CNOT4: variants seen among roughly 807,000 people sequenced by gnomAD.
CNOT4 encodes the protein CCR4-NOT transcription complex subunit 4, also known as CCR4-associated factor 4.
In CNOT4, 8 loss-of-function variants were observed where a neutral mutation model predicts 73.8. That is an observed-to-expected ratio of 0.11 (90% CI 0.06 to 0.20). The LOEUF is 0.20. Ranked by LOEUF, CNOT4 falls within the 10% of genes least tolerant of loss-of-function variation. CNOT4 has a pLI of 1.00. For missense variants in CNOT4, 564 were observed against 883.4 expected (o/e 0.64, Z 4.58); for synonymous variants, 293 against 321.1 (o/e 0.91, Z 0.94).
chr7:135,483,748 T>A (rs915724978), intron 1 of CNOT4, among the ~76,000 whole-genome samples: 1 of 152,010 alleles, frequency 6.6e-6, no homozygotes, highest in Non-Finnish European at 1.5e-5. Context: ...CACTTAAGGT[T>A]GAGGCTGCAG....
intron 7 of CNOT4, among the ~76,000 whole-genome samples, chr7:135,405,889 T>C (rs528354993): frequency 6.6e-6 from 1 of 152,204 alleles, no homozygotes; most frequent in Non-Finnish European, 1.5e-5. Flanking sequence ...GGTTCCAGGC[T>C]TTGCTTTCTT....
chr7:135,425,218 T>C (rs928022496), intron 2 of CNOT4, among the ~76,000 whole-genome samples: 1 of 152,222 alleles, frequency 6.6e-6, no homozygotes, highest in Non-Finnish European at 1.5e-5. Flanking sequence ...ATGATGTAAC[T>C]TTTCTGGGAC....
intron 10 of CNOT4, chr7:135,388,960 G>T: frequency 1.3e-6 from 2 of 1,491,452 alleles, no homozygotes; most frequent in Admixed American, 1.9e-5. Flanking sequence ...CTTTAAAAAT[G>T]ATTTCAATAT....
intron 2 of CNOT4, among the ~76,000 whole-genome samples, chr7:135,434,915 G>T (rs1431424833): frequency 6.6e-6 from 1 of 151,918 alleles, no homozygotes; most frequent in African/African-American, 2.4e-5. Context: ...CTGTTTGTAT[G>T]GTGGTTCATG....
At chr7:135,503,020 G>A (rs1432318737) in intron 1 of CNOT4, among the ~76,000 whole-genome samples, 1 of 151,188 alleles carries the variant, frequency 6.6e-6, no homozygotes, top group Non-Finnish European at 1.5e-5. Flanking sequence ...GGGCATGGTG[G>A]CACACGCCTG....
chr7:135,441,445 A>G (rs1799475782), intron 1 of CNOT4, among the ~76,000 whole-genome samples: 1 of 151,930 alleles, frequency 6.6e-6, no homozygotes, highest in South Asian at 2.1e-4. Context: ...TGCCACTATC[A>G]GTTTTCAGCA....
At position 135,364,109 on chromosome 7, in the gene CNOT4, A is replaced by T. The variant is rs771158003; in HGVS notation, c.1628-43T>A. On this transcript the variant is annotated intron_variant, in intron 10 of 11. Transcript: ENST00000541284. This position sits in a 1 kb window ranked among gnomAD's most constrained non-coding sequence, Gnocchi z 4.3. ...AAAAAAATGAAAGATAAAAAAAAAT[A>T]AAAAGCTACGTTAGAAACATATGTT... is the stretch of plus-strand genomic sequence containing the variant. 1.6e-4 allele frequency: 228 copies of T among 1,399,852 alleles called. 1 individual carries two copies. The highest frequency in any genetic ancestry group is 2.2e-4 in the Non-Finnish European group (220 of 1,016,254). 86.7% of individuals were successfully genotyped at this position (1,399,852 alleles called of 1,614,324 possible). A position where few individuals can be genotyped will look rare whatever the true frequency, so the allele number is the denominator to read the frequency against.
At position 135,362,988 on chromosome 7, in the gene CNOT4, G is replaced by A. The variant is rs367826789; in HGVS notation, c.2039C>T (p.Pro680Leu). The A allele has an allele frequency of 1.5e-5, 24 of 1,613,730 alleles. No homozygotes were observed. The African/African-American group carries it at 2.3e-4, about 15-fold the overall frequency. ...SWNPYPPPSN[P>L]SSFHSPPPGF... ...TGGGGGTGGGGAGTGGAAGCTGGAA[G>A]GGTTTGAAGGAGGAGGGTAGGGATT... The change falls in exon 12 of 12, where the codon CCT (proline) becomes CTT (leucine). Residue 680 changes from proline to leucine, a missense_variant. Physicochemically the swap from Pro to Leu is moderately conservative, Grantham distance 98 (BLOSUM62 -3). Transcript: ENST00000541284.
intron 10 of CNOT4, among the ~76,000 whole-genome samples, chr7:135,366,584 T>A (rs1270822874): frequency 6.6e-6 from 1 of 152,156 alleles, no homozygotes; most frequent in Non-Finnish European, 1.5e-5. Flanking sequence ...AATTAGCTAG[T>A]TTATAATGCA....
At position 135,377,878 on chromosome 7, in the gene CNOT4, G is replaced by A. The variant is rs540332103; in HGVS notation, c.1628-13812C>T. ...AGAAGGAAGGCAAAAAAGAAGACTA[G>A]ATGAAAATATTTTCAAATACAAATC... On this transcript the variant is annotated intron_variant, in intron 10 of 11. Transcript: ENST00000541284. 9.2e-5 allele frequency among the ~76,000 whole-genome samples: 14 copies of A among 152,242 alleles called. No individual in the cohort carries two copies. The East Asian group carries it at 2.7e-3, about 29-fold the overall frequency.
intron 1 of CNOT4, among the ~76,000 whole-genome samples, chr7:135,495,754 G>T (rs531685199): frequency 1.7e-4 from 20 of 115,748 alleles, no homozygotes; most frequent in African/African-American, 4.8e-4. Flanking sequence ...AAGAAAGAAA[G>T]AAAGAAAGAA....
Position 135,364,070 on chromosome 7 carries a change from G to C in CNOT4, c.1628-4C>G. On this transcript the variant is annotated splice_polypyrimidine_tract_variant and splice_region_variant and intron_variant, in intron 10 of 11. Transcript: ENST00000541284. This position sits in a 1 kb window ranked among gnomAD's most constrained non-coding sequence, Gnocchi z 4.3. Reference sequence around the variant, plus strand: ...CTCTCTACAGAACTGCTGTTGTCTGGGAGATTTACCAACAAAAAAATGAAA... The same window carrying C: ...CTCTCTACAGAACTGCTGTTGTCTGCGAGATTTACCAACAAAAAAATGAAA... 1 of 1,554,154 alleles carries C rather than the reference G, an allele frequency of 6.4e-7. No individual in the cohort carries two copies. Among genetic ancestry groups the C allele is most frequent in the Non-Finnish European group, 8.7e-7 (1 of 1,154,832 alleles).
At chr7:135,373,001 A>C (rs181562430) in intron 10 of CNOT4, among the ~76,000 whole-genome samples, 129 of 152,350 alleles carry the variant, frequency 8.5e-4, no homozygotes, top group African/African-American at 2.9e-3. Context: ...ATAATAAATA[A>C]ATCTATAAAG....
intron 1 of CNOT4, among the ~76,000 whole-genome samples, chr7:135,487,987 G>A (rs1233092241): frequency 6.6e-6 from 1 of 152,116 alleles, no homozygotes; most frequent in Non-Finnish European, 1.5e-5. Context: ...AGAACCACTG[G>A]GAGGCGGAGC....
At chr7:135,458,325 G>A (rs1314005351) in intron 1 of CNOT4, among the ~76,000 whole-genome samples, 1 of 152,064 alleles carries the variant, frequency 6.6e-6, no homozygotes, top group East Asian at 1.9e-4. Context: ...AAGATCATCT[G>A]AGCCTTCAGA....
At chr7:135,445,713 T>A (rs928946607) in intron 1 of CNOT4, among the ~76,000 whole-genome samples, 9 of 152,162 alleles carry the variant, frequency 5.9e-5, no homozygotes, top group Non-Finnish European at 1.2e-4. Context: ...ATGAAAATAA[T>A]TTTTTTAAAT....
At chr7:135,367,725 C>A (rs1011771469) in intron 10 of CNOT4, among the ~76,000 whole-genome samples, 1 of 152,106 alleles carries the variant, frequency 6.6e-6, no homozygotes, top group Non-Finnish European at 1.5e-5. Context: ...ACTGTGTAGT[C>A]AATCTAATAA....
intron 8 of CNOT4, among the ~76,000 whole-genome samples, chr7:135,396,857 G>T (rs1402015070): frequency 6.6e-6 from 1 of 152,118 alleles, no homozygotes; most frequent in East Asian, 1.9e-4. Flanking sequence ...TTAATCTAGA[G>T]ATACATACAA....
At chr7:135,434,947 T>C (rs1799062739) in intron 2 of CNOT4, among the ~76,000 whole-genome samples, 1 of 152,224 alleles carries the variant, frequency 6.6e-6, no homozygotes, top group South Asian at 2.1e-4. Flanking sequence ...TCATGAATCT[T>C]TGCATGTGTG....
Sources: gnomAD v4.1 joint callset for allele counts (sites outside exome capture counted in the v4.1 genomes callset) on GRCh38, gnomAD v4.1.1 for gene constraint, Gnocchi (gnomAD v3.1) non-coding constraint, MANE v1.5 for transcripts, NCBI Gene and HGNC (gene_info 2026-07-23, HGNC 2026-07-21) for gene names.